RNF213: variants seen among roughly 807,000 people sequenced by gnomAD.
The protein encoded by RNF213 is ring finger protein 213.
RNF213 carries 341 observed loss-of-function variants against 514.4 expected under a neutral mutation model. The observed-to-expected ratio is 0.66, with a 90% CI of 0.61 to 0.73. RNF213 has a LOEUF of 0.73. Among genes scored for constraint, RNF213 ranks in the 30% least tolerant of loss-of-function variants. The pLI is 0.00. For missense variants in RNF213, 5,767 were observed against 6,615.6 expected, an observed-to-expected ratio of 0.87 and a Z score of 4.45; for synonymous variants, 2,655 against 2,658.2, an observed-to-expected ratio of 1.00 and a Z score of 0.04.
At position 80,389,255 on chromosome 17, in the gene RNF213, T is replaced by C; in HGVS notation, c.15083T>C (p.Val5028Ala). 1.2e-6 allele frequency: 2 copies of C among 1,614,216 alleles called. No homozygotes were observed. Among genetic ancestry groups the C allele is most frequent in the South Asian group, 1.1e-5 (1 of 91,086 alleles). Residue 5028 changes from valine (V) to alanine (A), a missense_variant, in exon 65 of 68, where the codon GTA (valine) becomes GCA (alanine). This residue lies in a region of RNF213 where 1,245 missense variants were observed against 1,339.0 expected (regional missense o/e 0.93). Transcript: ENST00000582970. ...GATGCCTGTGAAGTGCTGTCTGTCG[T>C]AGAAGTCACTCTGGGGTTTCTGAGC... The part of the protein sequence containing the change: ...YSDACEVLSV[V>A]EVTLGFLSTA...
chr17:80,262,113 C>G (rs1023231295), intron 1 of RNF213, among the ~76,000 whole-genome samples: 5 of 151,890 alleles, frequency 3.3e-5, no homozygotes, highest in African/African-American at 1.2e-4. Flanking sequence ...GAGGCCTGGG[C>G]GGTGGGGAGT....
intron 3 of RNF213, among the ~76,000 whole-genome samples, chr17:80,274,678 G>A (rs1318227224): frequency 2.8e-4 from 2 of 7,118 alleles, no homozygotes; most frequent in Non-Finnish European, 2.7e-4. Context: ...GAGTGTGGGG[G>A]GTGAGTGGGG....
Position 80,319,383 on chromosome 17 carries a change from C to T in RNF213, c.3024+71C>T. ...TGTTCTGCCATGACCCAGCTAAGGG[C>T]TATGAAGCACCCGCTGGGTCTCAGC... is the stretch of plus-strand genomic sequence containing the variant. On this transcript the variant is annotated intron_variant, in intron 17 of 67. Coordinates refer to ENST00000582970, the MANE Select transcript of RNF213 (RefSeq NM_001256071.3). 3 of 1,614,200 alleles carry T rather than the reference C, an allele frequency of 1.9e-6. No homozygotes were observed. The East Asian group carries it at 6.7e-5, about 36-fold the overall frequency.
At chr17:80,325,765 T>C (rs1476556089) in intron 18 of RNF213, among the ~76,000 whole-genome samples, 1 of 151,760 alleles carries the variant, frequency 6.6e-6, no homozygotes, top group East Asian at 1.9e-4. Context: ...CCAGTTGGCG[T>C]GTGAGACCTT....
intron 63 of RNF213, among the ~76,000 whole-genome samples, chr17:80,387,758 C>T (rs1473104195): frequency 1.3e-5 from 2 of 152,186 alleles, no homozygotes; most frequent in Non-Finnish European, 2.9e-5. Context: ...CCCAACCTTC[C>T]AGCCCTGCCT....
chr17:80,317,664 G>C lies in RNF213; in HGVS notation c.2901+387G>C, dbSNP rs7501987. 3.9e-5 allele frequency among the ~76,000 whole-genome samples: 6 copies of C among 152,016 alleles called. No homozygotes were observed. Among genetic ancestry groups the C allele is most frequent in the Non-Finnish European group, 5.9e-5 (4 of 67,982 alleles). On this transcript the variant is annotated intron_variant, in intron 16 of 67. Coordinates refer to ENST00000582970, the MANE Select transcript of RNF213 (RefSeq NM_001256071.3). The surrounding 1 kb of genome is among the most constrained non-coding windows in gnomAD (Gnocchi z 4.1). Reference sequence around the variant, plus strand: ...TTGGGAGCTGGCAGGAGCAAGCTCCGTGCAGGCCCTGCAGCAGTGCCCAGA... The same window carrying C: ...TTGGGAGCTGGCAGGAGCAAGCTCCCTGCAGGCCCTGCAGCAGTGCCCAGA...
intron 54 of RNF213, among the ~76,000 whole-genome samples, chr17:80,378,770 G>GT (rs1218250329): frequency 6.6e-6 from 1 of 152,184 alleles, no homozygotes; most frequent in Admixed American, 6.5e-5. Flanking sequence ...CTGAAATTCT[G>GT]TAACTGGTTT....
intron 57 of RNF213, 173 bp downstream of exon 57, chr17:80,381,900 C>T (rs1425838722): frequency 1.4e-6 from 1 of 694,462 alleles, no homozygotes; most frequent in Non-Finnish European, 2.4e-6. Flanking sequence ...AAGGCGATGC[C>T]TGGGGCTGGA....
At chr17:80,300,147 A>G (rs1311475957) in intron 11 of RNF213, among the ~76,000 whole-genome samples, 2 of 152,172 alleles carry the variant, frequency 1.3e-5, no homozygotes, top group African/African-American at 4.8e-5. Context: ...TGGTTGAACT[A>G]ATTTACACTC....
intron 39 of RNF213, 104 bp from the exon 40 acceptor site, chr17:80,362,998 T>A (rs1355953844): frequency 3.6e-6 from 4 of 1,114,922 alleles, no homozygotes; most frequent in Non-Finnish European, 4.0e-6. Context: ...ACATGGTTTC[T>A]AATTTCCTCT....
intron 64 of RNF213, chr17:80,388,936 G>T: frequency 1.6e-6 from 1 of 621,700 alleles, no homozygotes; most frequent in Non-Finnish European, 2.9e-6. Flanking sequence ...CTGCTGAAGC[G>T]GGAAGTCCAT....
chr17:80,280,824 A>C (rs918525579), intron 3 of RNF213, among the ~76,000 whole-genome samples: 1 of 152,122 alleles, frequency 6.6e-6, no homozygotes, highest in African/African-American at 2.4e-5. Flanking sequence ...AGATGTGAGG[A>C]GGAGAAATGG....
rs748428180 is a variant in RNF213, at chr17:80,354,081, C to G, written c.10641C>G (p.Leu3547=). ...GTGTGCAGAGCGCCGTGGGCATGCT[C>G]AGAGACCAGAACGAGAGCTGCACGC... ...RSCVQSAVGM[L]RDQNESCTRN... is the part of the protein sequence containing the mutation. The change falls in exon 35 of 68, where the codon CTC becomes CTG. Residue 3547 remains leucine (L), a synonymous_variant. Transcript: ENST00000582970. 5.6e-6 allele frequency: 9 copies of G among 1,614,058 alleles called. No individual in the cohort carries two copies. The highest frequency in any genetic ancestry group is 7.6e-6 in the Non-Finnish European group (9 of 1,180,036).
chr17:80,270,670 G>C (rs533990166), intron 2 of RNF213, among the ~76,000 whole-genome samples: 44 of 152,274 alleles, frequency 2.9e-4, no homozygotes, highest in Non-Finnish European at 2.9e-4. Context: ...TGAGCGGCCT[G>C]TCTGTCTTTA....
chr17:80,343,357 C>T lies in RNF213; in HGVS notation c.6183+32C>T. On this transcript the variant is annotated intron_variant, in intron 27 of 67. Coordinates refer to ENST00000582970, the MANE Select transcript of RNF213 (RefSeq NM_001256071.3). The surrounding 1 kb of genome is among the most constrained non-coding windows in gnomAD (Gnocchi z 4.3). ...GCCCTCCAGCGTCAGCCGATGGCCA[C>T]ATCAGTAAAGACGTGGTCCCCATGT... The T allele has an allele frequency of 6.3e-7, 1 of 1,588,176 alleles. No homozygotes were observed. Among genetic ancestry groups the T allele is most frequent in the African/African-American group, 1.3e-5 (1 of 74,370 alleles).
rs2045364712 is a variant in RNF213, at chr17:80,306,542, G to A, written c.2427+74G>A. 4 of 1,442,354 alleles carry A rather than the reference G, an allele frequency of 2.8e-6. No homozygotes were observed. The East Asian group carries it at 9.3e-5, about 34-fold the overall frequency. The allele number at this position is 1,442,354 out of a possible 1,614,324, so 89.3% of individuals were successfully genotyped here. On this transcript the variant is annotated intron_variant, in intron 12 of 67. Coordinates refer to ENST00000582970, the MANE Select transcript of RNF213 (RefSeq NM_001256071.3). ...TAGATAACTAAACATGGAAAGCTCAGGATTCTTATTCCTAAAAAACAGACA... is the reference window on the plus strand; with the variant it reads ...TAGATAACTAAACATGGAAAGCTCAAGATTCTTATTCCTAAAAAACAGACA...
intron 6 of RNF213, among the ~76,000 whole-genome samples, chr17:80,290,283 GTGCC>G (rs1372408539): frequency 6.6e-6 from 1 of 152,242 alleles, no homozygotes; most frequent in African/African-American, 2.4e-5. Context: ...CAAGGACCAT[GTGCC>G]TGTGTGTGTG....
At chr17:80,335,522 A>G (rs1431853918) in intron 22 of RNF213, among the ~76,000 whole-genome samples, 1 of 152,202 alleles carries the variant, frequency 6.6e-6, no homozygotes, top group African/African-American at 2.4e-5. Context: ...AGTGTTTCAT[A>G]GTTAATTGTG....
intron 2 of RNF213, among the ~76,000 whole-genome samples, chr17:80,269,843 C>G (rs544659162): frequency 6.6e-6 from 1 of 152,312 alleles, no homozygotes; most frequent in African/African-American, 2.4e-5. Context: ...TCTGGATAAC[C>G]CTGTTCTATA....
Sources: gnomAD v4.1 joint callset for allele counts (sites outside exome capture counted in the v4.1 genomes callset) on GRCh38, gnomAD v4.1.1 for gene constraint, gnomAD v4.1.1 regional missense constraint, Gnocchi (gnomAD v3.1) non-coding constraint, MANE v1.5 for transcripts, NCBI Gene and HGNC (gene_info 2026-07-23, HGNC 2026-07-21) for gene names.